Variants in BCL6 observed in about 807,000 individuals in gnomAD.
BCL6 encodes the protein B-cell lymphoma 6 protein.
In BCL6, 7 loss-of-function variants were observed where a neutral mutation model predicts 59.5. The observed-to-expected ratio is 0.12, with a 90% CI of 0.07 to 0.22. BCL6 has a LOEUF of 0.22. Ranked by LOEUF, BCL6 falls within the 10% of genes least tolerant of loss-of-function variation. The probability of loss-of-function intolerance (pLI) is 1.00; values close to 1 mark genes in which losing one functional copy is unlikely to be tolerated. For missense variants in BCL6, 685 were observed against 939.4 expected (o/e 0.73, Z 3.54); for synonymous variants, 339 against 349.7 (o/e 0.97, Z 0.34).
intron 1 of BCL6, among the ~76,000 whole-genome samples, chr3:187,738,119 A>G (rs2108476997): frequency 6.6e-6 from 1 of 152,296 alleles, no homozygotes; most frequent in Non-Finnish European, 1.5e-5. Context: ...TAAATGGGGA[A>G]GGTCAGACAA....
chr3:187,726,947 G>C lies in BCL6; in HGVS notation c.1541-49C>G, dbSNP rs377007033. Reference sequence around the variant, plus strand: ...ACCAAAGTCAGCACGAGGAAGGGAGGTAGGGCTCTAAGGCCGCTCTCCTCT... The same window carrying C: ...ACCAAAGTCAGCACGAGGAAGGGAGCTAGGGCTCTAAGGCCGCTCTCCTCT... On this transcript the variant is annotated intron_variant, in intron 6 of 9. Coordinates refer to ENST00000406870, the MANE Select transcript of BCL6 (RefSeq NM_001706.5). 1.0e-5 allele frequency: 16 copies of C among 1,600,600 alleles called. No individual in the cohort carries two copies. In the African/African-American group the frequency reaches 2.0e-4, roughly 20 times the overall value.
In BCL6 at chr3:187,725,090, A is replaced by G. The variant is rs368488645; in HGVS notation, c.1840-12T>C. ...CGGAGGTGGGCCACCTGAACGAAGA[A>G]GAAGGCATGAGAGGTCTTCTGGGGT... is the stretch of plus-strand genomic sequence containing the variant. On this transcript the variant is annotated splice_polypyrimidine_tract_variant and intron_variant, in intron 8 of 9. Coordinates refer to ENST00000406870, the MANE Select transcript of BCL6 (RefSeq NM_001706.5). This position sits in a 1 kb window ranked among gnomAD's most constrained non-coding sequence, Gnocchi z 4.7. 3.7e-6 allele frequency: 6 copies of G among 1,613,586 alleles called. No homozygotes were observed. In the African/African-American group the frequency reaches 5.3e-5, roughly 14 times the overall value.
intron 1 of BCL6, among the ~76,000 whole-genome samples, chr3:187,735,637 C>G (rs1203146807): frequency 6.6e-6 from 1 of 152,200 alleles, no homozygotes; most frequent in Non-Finnish European, 1.5e-5. Flanking sequence ...CTTCTCCCTG[C>G]TGGTAAAAGA....
At chr3:187,744,791 G>A (rs534311626) in intron 1 of BCL6, among the ~76,000 whole-genome samples, 123 of 149,142 alleles carry the variant, frequency 8.2e-4, no homozygotes, top group Middle Eastern at 3.4e-3. Flanking sequence ...AGGGAGGGAA[G>A]CGGAGGCCAG....
intron 1 of BCL6, among the ~76,000 whole-genome samples, chr3:187,744,570 A>G (rs530031958): frequency 1.3e-5 from 2 of 152,220 alleles, no homozygotes; most frequent in African/African-American, 2.4e-5. Flanking sequence ...ATCTGGATTT[A>G]TGACCAAAAA....
intron 6 of BCL6, among the ~76,000 whole-genome samples, chr3:187,728,123 A>C (rs1718813425): frequency 6.6e-6 from 1 of 152,190 alleles, no homozygotes; most frequent in African/African-American, 2.4e-5. Flanking sequence ...AAATGACTGT[A>C]TGGTAAGTCT....
rs554055639 is a variant in BCL6 at position 187,732,784 on chromosome 3, C to T, written c.161+749G>A. Among the ~76,000 whole-genome samples, 4 of 152,348 alleles carry T rather than the reference C, an allele frequency of 2.6e-5. No individual in the cohort carries two copies. The East Asian group carries it at 7.7e-4, about 29-fold the overall frequency. On this transcript the variant is annotated intron_variant, in intron 3 of 9. Transcript: ENST00000406870. ...ATGCCTGGCATATAGTAAGCATTCA[C>T]TAAACATTATCTATTATTTTTATAT...
At chr3:187,738,940 G>A (rs1452286590) in intron 1 of BCL6, among the ~76,000 whole-genome samples, 2 of 152,184 alleles carry the variant, frequency 1.3e-5, no homozygotes, top group South Asian at 2.1e-4. Flanking sequence ...TGGAAATTAG[G>A]AGTCCCGTGG....
At chr3:187,728,104 A>G (rs6794965) in intron 6 of BCL6, among the ~76,000 whole-genome samples, 150,702 of 152,270 alleles carry the variant, frequency 0.99, 74,603 homozygotes, top group Middle Eastern at 1. Context: ...TTTTGCTGGC[A>G]TGAAGCTAAA....
intron 1 of BCL6, among the ~76,000 whole-genome samples, chr3:187,744,541 A>T (rs575115987): frequency 6.6e-6 from 1 of 152,304 alleles, no homozygotes; most frequent in South Asian, 2.1e-4. Flanking sequence ...AGGAAATAGT[A>T]GACACGATAC....
intron 9 of BCL6, chr3:187,724,673 T>C (rs1407958465): frequency 2.1e-6 from 1 of 474,108 alleles, no homozygotes; most frequent in African/African-American, 1.9e-5. Context: ...TCTAGACTCC[T>C]CTCCTAAGGC....
At position 187,725,098 on chromosome 3, in the gene BCL6, T is replaced by A; in HGVS notation, c.1840-20A>T. 1 of 1,613,310 alleles carries A rather than the reference T, an allele frequency of 6.2e-7. No homozygotes were observed. The highest frequency in any genetic ancestry group is 1.1e-5 in the South Asian group (1 of 91,028). ...GGCCACCTGAACGAAGAAGAAGGCATGAGAGGTCTTCTGGGGTGGGCTGCA... is the reference window on the plus strand; with the variant it reads ...GGCCACCTGAACGAAGAAGAAGGCAAGAGAGGTCTTCTGGGGTGGGCTGCA... On this transcript the variant is annotated intron_variant, in intron 8 of 9. Coordinates refer to ENST00000406870, the MANE Select transcript of BCL6 (RefSeq NM_001706.5). This position sits in a 1 kb window ranked among gnomAD's most constrained non-coding sequence, Gnocchi z 4.7.
intron 1 of BCL6, among the ~76,000 whole-genome samples, chr3:187,744,720 C>A (rs192504898): frequency 1.3e-5 from 2 of 152,000 alleles, no homozygotes; most frequent in African/African-American, 2.4e-5. Flanking sequence ...TCCCTTTTTG[C>A]CTCCCGGAGT....
chr3:187,743,543 T>G (rs1711700218), intron 1 of BCL6, among the ~76,000 whole-genome samples: 1 of 151,764 alleles, frequency 6.6e-6, no homozygotes, highest in South Asian at 2.1e-4. Context: ...TTTTAAAAAA[T>G]CGGTTTGGTT....
At chr3:187,744,776 A>G (rs975032979) in intron 1 of BCL6, among the ~76,000 whole-genome samples, 3 of 151,990 alleles carry the variant, frequency 2.0e-5, no homozygotes, top group African/African-American at 4.8e-5. Flanking sequence ...GCGAGGAAAA[A>G]GAGGAGGGAG....
intron 1 of BCL6, among the ~76,000 whole-genome samples, chr3:187,738,462 C>G (rs1719392253): frequency 6.6e-6 from 1 of 152,214 alleles, no homozygotes; most frequent in Non-Finnish European, 1.5e-5. Context: ...AGCTGCCAAG[C>G]CGTAAGGATT....
rs377348795 is a variant in BCL6 at position 187,722,436 on chromosome 3, G to A, written c.*22C>T. The A allele has an allele frequency of 8.4e-5, 134 of 1,603,034 alleles. No individual in the cohort carries two copies. In the African/African-American group the frequency reaches 1.0e-3, roughly 13 times the overall value. On this transcript the variant is annotated 3_prime_UTR_variant, in exon 10 of 10. Coordinates refer to ENST00000406870, the MANE Select transcript of BCL6 (RefSeq NM_001706.5). Reference sequence around the variant, plus strand: ...TAGATTCTGAGAAGGGGCTGGAGACGAAAGCATCAACACTCCATGCTTCAG... The same window carrying A: ...TAGATTCTGAGAAGGGGCTGGAGACAAAAGCATCAACACTCCATGCTTCAG...
chr3:187,742,679 A>G (rs1711651414), intron 1 of BCL6, among the ~76,000 whole-genome samples: 1 of 151,988 alleles, frequency 6.6e-6, no homozygotes, highest in Non-Finnish European at 1.5e-5. Context: ...GTGGAGAGAG[A>G]GTTGCCATCT....
In BCL6 at chr3:187,745,424, T is replaced by G. The variant is rs1711909892; in HGVS notation, c.-64A>C. The G allele has an allele frequency of 2.5e-6, 1 of 399,712 alleles. No homozygotes were observed. The highest frequency in any genetic ancestry group is 4.4e-6 in the Non-Finnish European group (1 of 226,434). The allele number at this position is 399,712 out of a possible 1,614,324, so 24.8% of individuals were successfully genotyped here. ...GCAATAATCACCTGGTGTCCGGCCT[T>G]TCCTAGAAACTTCTTGCATCACCAC... On this transcript the variant is annotated 5_prime_UTR_variant, in exon 1 of 10. Transcript: ENST00000406870.
Sources: allele counts gnomAD v4.1 joint callset (sites outside exome capture counted in the v4.1 genomes callset), GRCh38; gene constraint gnomAD v4.1.1; non-coding constraint Gnocchi (gnomAD v3.1); transcripts MANE v1.5; gene names NCBI Gene and HGNC (gene_info 2026-07-23, HGNC 2026-07-21).